The following RANBP3 variants were observed in gnomAD, a reference collection of about 807,000 sequenced individuals.
The protein encoded by RANBP3 is RAN binding protein 3, also known as ran-binding protein 3.
RANBP3 carries 14 observed loss-of-function variants against 77.3 expected under a neutral mutation model. The observed-to-expected ratio is 0.18, with a 90% CI of 0.12 to 0.28. The LOEUF (loss-of-function observed/expected upper bound fraction) is 0.28, where lower values mean the gene tolerates loss of function less well. Ranked by LOEUF, RANBP3 falls within the 10% of genes least tolerant of loss-of-function variation. The pLI is 1.00. For missense variants in RANBP3, 586 were observed against 752.3 expected, an observed-to-expected ratio of 0.78 and a Z score of 2.59; for synonymous variants, 315 against 312.4, an observed-to-expected ratio of 1.01 and a Z score of -0.09.
At chr19:5,965,816 A>C (rs1159216522) in intron 1 of RANBP3, 1 of 125,194 alleles carries the variant, frequency 8.0e-6, no homozygotes, top group East Asian at 3.8e-4. Context: ...TGATGGTTTC[A>C]TATACGTGGC....
chr19:5,975,803 G>A (rs1426319527), intron 1 of RANBP3, among the ~76,000 whole-genome samples: 2 of 151,574 alleles, frequency 1.3e-5, no homozygotes, highest in African/African-American at 4.9e-5. Flanking sequence ...GAGCCATGGG[G>A]GTATCTGGGG....
At position 5,931,435 on chromosome 19, in the gene RANBP3, G is replaced by A. The variant is rs1463956480; in HGVS notation, c.662C>T (p.Ser221Phe). The part of the protein sequence containing the change: ...SPDTAAWRSP[S>F]EAADEVCALE... ...TGCACACACCTCATCGGCAGCTTCG[G>A]AAGGACTTCTCCATGCAGCAGTGTC... Residue 221 changes from serine (S) to phenylalanine (F), a missense_variant, in exon 8 of 17, where the codon TCC (serine) becomes TTC (phenylalanine). Transcript: ENST00000340578. 3.1e-6 allele frequency: 5 copies of A among 1,612,812 alleles called. No homozygotes were observed. In the South Asian group the frequency reaches 5.5e-5, roughly 18 times the overall value.
intron 2 of RANBP3, among the ~76,000 whole-genome samples, chr19:5,955,756 A>G (rs2058327777): frequency 6.6e-6 from 1 of 152,196 alleles, no homozygotes; most frequent in African/African-American, 2.4e-5. Flanking sequence ...TGCAAGCCAC[A>G]CGGTCTCTGT....
At chr19:5,923,600 C>T (rs2057857616) in intron 12 of RANBP3, among the ~76,000 whole-genome samples, 1 of 152,222 alleles carries the variant, frequency 6.6e-6, no homozygotes, top group African/African-American at 2.4e-5. Flanking sequence ...CCTCCCCACC[C>T]TCCCCACGGC....
At chr19:5,955,287 C>T (rs928396907) in intron 2 of RANBP3, among the ~76,000 whole-genome samples, 6 of 152,150 alleles carry the variant, frequency 3.9e-5, no homozygotes, top group African/African-American at 1.4e-4. Context: ...TCTGCCACCA[C>T]AGTAGAGATG....
chr19:5,926,784 G>A (rs2145055552), intron 9 of RANBP3, among the ~76,000 whole-genome samples: 1 of 152,180 alleles, frequency 6.6e-6, no homozygotes, highest in East Asian at 1.9e-4. Flanking sequence ...GCCCCTGAGG[G>A]ACTCATTATT....
At chr19:5,967,461 C>T (rs899699753) in intron 1 of RANBP3, among the ~76,000 whole-genome samples, 2 of 152,168 alleles carry the variant, frequency 1.3e-5, no homozygotes, top group Non-Finnish European at 2.9e-5. Flanking sequence ...GTTAAAAGGC[C>T]TTTACTGGAC....
At chr19:5,936,306 T>C (rs2058063828) in intron 5 of RANBP3, among the ~76,000 whole-genome samples, 1 of 152,116 alleles carries the variant, frequency 6.6e-6, no homozygotes, top group Non-Finnish European at 1.5e-5. Flanking sequence ...GGGAGGAATA[T>C]ACCAAGGGAG....
rs959634751 is a variant in RANBP3 at position 5,958,868 on chromosome 19, G to A, written c.23-895C>T. The stretch of plus-strand genomic sequence containing the variant: ...CTAGCGTGGAGGCCAAGCAAGAGCA[G>A]CTGTGACTCTGGTGAATGCCTGCTG... On this transcript the variant is annotated intron_variant, in intron 1 of 16. Coordinates refer to ENST00000340578, the MANE Select transcript of RANBP3 (RefSeq NM_007322.3). The surrounding 1 kb of genome is among the most constrained non-coding windows in gnomAD (Gnocchi z 4.4). Among the ~76,000 whole-genome samples, 2 of 152,282 alleles carry A rather than the reference G, an allele frequency of 1.3e-5. No individual in the cohort carries two copies. Among genetic ancestry groups the A allele is most frequent in the Non-Finnish European group, 2.9e-5 (2 of 68,052 alleles).
intron 6 of RANBP3, 36 bp from the exon 7 acceptor site, chr19:5,932,580 A>G: frequency 6.4e-7 from 1 of 1,568,130 alleles, no homozygotes; most frequent in Non-Finnish European, 8.8e-7. Context: ...GTGCCCGTGG[A>G]CCCCTGCCTG....
intron 14 of RANBP3, among the ~76,000 whole-genome samples, chr19:5,918,865 A>C (rs961776828): frequency 6.6e-6 from 1 of 152,198 alleles, no homozygotes; most frequent in African/African-American, 2.4e-5. Context: ...TGAAGGCCAC[A>C]ACTGCAGGTG....
At chr19:5,925,160 T>C (rs989066956) in intron 10 of RANBP3, 1 of 536,804 alleles carries the variant, frequency 1.9e-6, no homozygotes, top group African/African-American at 1.9e-5. Flanking sequence ...TACCCGCCCA[T>C]CTCCCAGTCG....
At chr19:5,963,343 G>A (rs2058426627) in intron 1 of RANBP3, among the ~76,000 whole-genome samples, 1 of 152,166 alleles carries the variant, frequency 6.6e-6, no homozygotes, top group Middle Eastern at 3.2e-3. Flanking sequence ...CTTGAGCCCA[G>A]GAGTTGAAGA....
In RANBP3 at chr19:5,951,595, G is replaced by T. The variant is rs1159720694; in HGVS notation, c.80C>A (p.Ser27Tyr). ...CGACAAGTTTTTTTGCTCTGCAGGGGACTGGGAGCAAAAAAGACAATTTTC... is the reference window on the plus strand; with the variant it reads ...CGACAAGTTTTTTTGCTCTGCAGGGTACTGGGAGCAAAAAAGACAATTTTC... ...FVFQKDKGQK[S>Y]PAEQKNLSDS... Residue 27 changes from serine (S) to tyrosine (Y), a missense_variant and splice_region_variant, in exon 3 of 17, where the codon TCC (serine) becomes TAC (tyrosine). Physicochemically the swap from Ser to Tyr is moderately radical, Grantham distance 144 (BLOSUM62 -2). Transcript: ENST00000340578. 6.2e-7 allele frequency: 1 copy of T among 1,612,972 alleles called. No individual in the cohort carries two copies.
intron 8 of RANBP3, 118 bp downstream of exon 8, chr19:5,931,286 C>G: frequency 8.1e-7 from 1 of 1,241,300 alleles, no homozygotes; most frequent in Non-Finnish European, 1.1e-6. Context: ...AATAGGCCCA[C>G]GTGGAAACTG....
rs1362355441 is a variant in RANBP3, at chr19:5,924,624, C to T, written c.996+203G>A. Among the ~76,000 whole-genome samples the T allele has an allele frequency of 6.6e-6, 1 of 152,242 alleles. No homozygotes were observed. ...GTCAGCACGGAGGAGCCGGGAAAAG[C>T]GAATGCCAGTTCGTAGGCAGCCAGT... On this transcript the variant is annotated intron_variant, in intron 11 of 16. Transcript: ENST00000340578. This position sits in a 1 kb window ranked among gnomAD's most constrained non-coding sequence, Gnocchi z 4.7.
At chr19:5,945,124 G>A (rs994381342) in intron 3 of RANBP3, among the ~76,000 whole-genome samples, 6 of 152,138 alleles carry the variant, frequency 3.9e-5, no homozygotes, top group African/African-American at 1.4e-4. Context: ...CTAGACTTAG[G>A]AAGGAACTGG....
intron 2 of RANBP3, among the ~76,000 whole-genome samples, chr19:5,955,102 G>A (rs947377933): frequency 1.3e-5 from 2 of 152,164 alleles, no homozygotes; most frequent in Non-Finnish European, 2.9e-5. Flanking sequence ...ATTTTGATAA[G>A]AACTATACTT....
In RANBP3 at chr19:5,925,018, C is replaced by T. The variant is rs1450578732; in HGVS notation, c.918-113G>A. 12 of 933,912 alleles carry T rather than the reference C, an allele frequency of 1.3e-5. 1 individual carries two copies. The highest frequency in any genetic ancestry group is 4.8e-5 in the East Asian group (2 of 41,480). 57.9% of individuals were successfully genotyped at this position (933,912 alleles called of 1,614,324 possible). On this transcript the variant is annotated intron_variant, in intron 10 of 16. Transcript: ENST00000340578. Reference sequence around the variant, plus strand: ...ACAGAGGGCACAGTGGAGGGGCCTCCGCCACTGTGCACGGGGTGGCGTGTC... The same window carrying T: ...ACAGAGGGCACAGTGGAGGGGCCTCTGCCACTGTGCACGGGGTGGCGTGTC...
Sources: gnomAD v4.1 joint callset for allele counts (sites outside exome capture counted in the v4.1 genomes callset) on GRCh38, gnomAD v4.1.1 for gene constraint, Gnocchi (gnomAD v3.1) non-coding constraint, MANE v1.5 for transcripts, NCBI Gene and HGNC (gene_info 2026-07-23, HGNC 2026-07-21) for gene names.